The following HS6ST3 variants were observed in gnomAD, a reference collection of about 807,000 sequenced individuals.
HS6ST3 encodes the protein heparan-sulfate 6-O-sulfotransferase 3.
A neutral mutation model predicts 36.7 loss-of-function variants in HS6ST3; 12 were observed. The ratio of observed to expected loss-of-function variants is 0.33; its 90% CI spans 0.21 to 0.53. The LOEUF is 0.53. Ranked by LOEUF, HS6ST3 falls within the 20% of genes least tolerant of loss-of-function variation. The pLI is 0.95. For missense variants in HS6ST3, 584 were observed against 640.9 expected, an observed-to-expected ratio of 0.91 and a Z score of 0.96; for synonymous variants, 240 against 257.5, an observed-to-expected ratio of 0.93 and a Z score of 0.65.
intron 1 of HS6ST3, among the ~76,000 whole-genome samples, chr13:96,266,191 A>G (rs1009420856): frequency 1.3e-5 from 2 of 152,178 alleles, no homozygotes; most frequent in Admixed American, 1.3e-4. Context: ...TGTGGAAAAT[A>G]CAAGTTGCTA....
At chr13:96,556,975 A>T (rs978113767) in intron 1 of HS6ST3, among the ~76,000 whole-genome samples, 1 of 152,200 alleles carries the variant, frequency 6.6e-6, no homozygotes, top group Non-Finnish European at 1.5e-5. Context: ...TGCTGCAAAG[A>T]GATGGCCCTC....
At chr13:96,360,098 G>A (rs546832170) in intron 1 of HS6ST3, among the ~76,000 whole-genome samples, 2 of 152,194 alleles carry the variant, frequency 1.3e-5, no homozygotes, top group South Asian at 2.1e-4. Flanking sequence ...TGCCAGCTTG[G>A]GGTGCTCCTA....
rs1242776862 is a variant in HS6ST3, at chr13:96,439,794, C to T, written c.707+348225C>T. 2.0e-5 allele frequency among the ~76,000 whole-genome samples: 3 copies of T among 152,134 alleles called. No homozygotes were observed. In the East Asian group the frequency reaches 5.8e-4, roughly 29 times the overall value. On this transcript the variant is annotated intron_variant, in intron 1 of 1. Transcript: ENST00000376705. ...GTGTGGTTAACCAGAGTTTTAGCTGCCAAAACAAGAATAGAAGATTGTGAA... is the reference window on the plus strand; with the variant it reads ...GTGTGGTTAACCAGAGTTTTAGCTGTCAAAACAAGAATAGAAGATTGTGAA...
intron 1 of HS6ST3, among the ~76,000 whole-genome samples, chr13:96,103,960 T>G (rs200086486): frequency 0.82 from 120,718 of 146,554 alleles, 49,865 homozygotes; most frequent in East Asian, 0.9. Context: ...GGTGTTTTTT[T>G]TTTTTTTTTT....
chr13:96,390,443 A>G (rs1363800133), intron 1 of HS6ST3, among the ~76,000 whole-genome samples: 1 of 152,196 alleles, frequency 6.6e-6, no homozygotes, highest in African/African-American at 2.4e-5. Flanking sequence ...CGGTGAGAAG[A>G]GGCTTTTTAT....
chr13:96,474,574 A>G (rs1047326524), intron 1 of HS6ST3, among the ~76,000 whole-genome samples: 2 of 151,340 alleles, frequency 1.3e-5, no homozygotes, highest in Non-Finnish European at 2.9e-5. Flanking sequence ...CAAACAAAAT[A>G]TAGCATTTGC....
intron 1 of HS6ST3, among the ~76,000 whole-genome samples, chr13:96,381,732 G>A (rs537752250): frequency 3.3e-5 from 5 of 152,258 alleles, no homozygotes; most frequent in African/African-American, 1.2e-4. Flanking sequence ...AGGATCGCCT[G>A]CTCTGTCATG....
rs569202654 is a variant in HS6ST3, at chr13:96,178,129, G to A, written c.707+86560G>A. ...ATGTGGGTTGAGGAAATAAGTTGAG[G>A]TGGATAGGGTACAAGATTGGCCACG... On this transcript the variant is annotated intron_variant, in intron 1 of 1. Transcript: ENST00000376705. Among the ~76,000 whole-genome samples the A allele has an allele frequency of 1.1e-3, 163 of 152,296 alleles. 11 individuals carry two copies. Among genetic ancestry groups the A allele is most frequent in the South Asian group, 1.7e-3 (8 of 4,824 alleles).
At chr13:96,627,682 A>T (rs1366439770) in intron 1 of HS6ST3, among the ~76,000 whole-genome samples, 1 of 151,936 alleles carries the variant, frequency 6.6e-6, no homozygotes, top group Non-Finnish European at 1.5e-5. Context: ...TTGTGAAAAT[A>T]TTTTAAACTA....
intron 1 of HS6ST3, among the ~76,000 whole-genome samples, chr13:96,228,786 A>T (rs971737221): frequency 6.6e-6 from 1 of 152,208 alleles, no homozygotes; most frequent in Admixed American, 6.5e-5. Context: ...AGTCAGTCAC[A>T]TAAAAACGGA....
In HS6ST3 at chr13:96,303,182, T is replaced by C. The variant is rs374953529; in HGVS notation, c.707+211613T>C. Among the ~76,000 whole-genome samples, 110 of 152,372 alleles carry C rather than the reference T, an allele frequency of 7.2e-4. 2 individuals carry two copies. The highest frequency in any genetic ancestry group is 2.5e-3 in the African/African-American group (105 of 41,596). On this transcript the variant is annotated intron_variant, in intron 1 of 1. Transcript: ENST00000376705. ...GAAAATACAGTTTCATATTAATGTT[T>C]AACAGAAATGTTGATGCCTAAACTT...
At chr13:96,620,171 TA>T (rs35476258) in intron 1 of HS6ST3, among the ~76,000 whole-genome samples, 7 of 152,232 alleles carry the variant, frequency 4.6e-5, no homozygotes, top group African/African-American at 7.2e-5. Flanking sequence ...ACTATTGCTA[TA>T]AAAGAAAGTT....
At chr13:96,697,446 G>A (rs1377816112) in intron 1 of HS6ST3, among the ~76,000 whole-genome samples, 2 of 151,862 alleles carry the variant, frequency 1.3e-5, no homozygotes, top group African/African-American at 2.4e-5. Flanking sequence ...AAGAGATAAT[G>A]CAATAAACTT....
intron 1 of HS6ST3, among the ~76,000 whole-genome samples, chr13:96,271,923 G>C (rs1342129202): frequency 1.3e-5 from 2 of 151,964 alleles, no homozygotes; most frequent in East Asian, 3.8e-4. Flanking sequence ...CAAGGGCAGA[G>C]ATGCTACCAA....
intron 1 of HS6ST3, among the ~76,000 whole-genome samples, chr13:96,210,790 C>T (rs545367054): frequency 7.9e-5 from 12 of 151,858 alleles, no homozygotes; most frequent in Admixed American, 7.2e-4. Flanking sequence ...GACGAGGTTT[C>T]ACCATGTTGG....
chr13:96,267,165 C>T (rs972819668), intron 1 of HS6ST3, among the ~76,000 whole-genome samples: 6 of 152,136 alleles, frequency 3.9e-5, no homozygotes, highest in African/African-American at 1.4e-4. Context: ...GTAAGATGTG[C>T]CTTTGCTCCT....
chr13:96,715,999 G>A (rs1208325594), intron 1 of HS6ST3, among the ~76,000 whole-genome samples: 1 of 151,086 alleles, frequency 6.6e-6, no homozygotes, highest in Non-Finnish European at 1.5e-5. Flanking sequence ...ATAATCTTCT[G>A]TGCCTTTTCT....
intron 1 of HS6ST3, chr13:96,574,606 C>T (rs117821510): frequency 1.6e-3 from 357 of 225,786 alleles, no homozygotes; most frequent in Non-Finnish European, 1.7e-3. Flanking sequence ...ACTTCTATTA[C>T]GGCACCATTT....
intron 1 of HS6ST3, among the ~76,000 whole-genome samples, chr13:96,702,122 A>G (rs879907071): frequency 5.9e-5 from 9 of 152,234 alleles, no homozygotes; most frequent in Admixed American, 2.6e-4. Flanking sequence ...GACCGTATCG[A>G]TGGAGTTACA....
Sources: allele counts gnomAD v4.1 joint callset (sites outside exome capture counted in the v4.1 genomes callset), GRCh38; gene constraint gnomAD v4.1.1; transcripts MANE v1.5; gene names NCBI Gene and HGNC (gene_info 2026-07-23, HGNC 2026-07-21).